ZBTB41: variants seen among roughly 807,000 people sequenced by gnomAD.
ZBTB41 encodes the protein zinc finger and BTB domain containing 41.
In ZBTB41, 42 loss-of-function variants were observed where a neutral mutation model predicts 87.6. That is an observed-to-expected ratio of 0.48 (90% CI 0.37 to 0.62). ZBTB41 has a LOEUF of 0.62. ZBTB41 is among the 20% of genes least tolerant of loss of function. The pLI is 0.00. For missense variants in ZBTB41, 799 were observed against 1,078.9 expected (o/e 0.74, Z 3.63); for synonymous variants, 364 against 364.0 (o/e 1.00, Z 0.00).
intron 10 of ZBTB41, among the ~76,000 whole-genome samples, chr1:197,165,947 G>A (rs555369872): frequency 9.7e-4 from 147 of 152,066 alleles, no homozygotes; most frequent in Non-Finnish European, 1.7e-3. Flanking sequence ...CATGGGGGGC[G>A]AGCAGAACCA....
intron 2 of ZBTB41, among the ~76,000 whole-genome samples, chr1:197,197,948 T>A (rs1306855814): frequency 6.6e-6 from 1 of 152,194 alleles, no homozygotes; most frequent in Non-Finnish European, 1.5e-5. Context: ...TCATCCCTAT[T>A]CACTCATCTC....
intron 2 of ZBTB41, among the ~76,000 whole-genome samples, chr1:197,196,974 T>C (rs1393591140): frequency 6.6e-6 from 1 of 152,222 alleles, no homozygotes; most frequent in Non-Finnish European, 1.5e-5. Flanking sequence ...TGATTGTGTT[T>C]TTTCATGTAC....
chr1:197,172,212 CTTACA>C lies in ZBTB41; in HGVS notation c.2017_2021del (p.Cys673GlufsTer4). 7.0e-7 allele frequency: 1 copy of C among 1,431,810 alleles called. No homozygotes were observed. Among genetic ancestry groups the C allele is most frequent in the Non-Finnish European group, 9.3e-7 (1 of 1,080,466 alleles). 88.7% of individuals were successfully genotyped at this position (1,431,810 alleles called of 1,614,324 possible). ...GACTTGATTTGCCTTTAAAAATTTT[CTTACA>C]AACATCACATTGATGAAATGTTGCT... On this transcript the variant is annotated frameshift_variant, in exon 10 of 11. Coordinates refer to ENST00000367405, the MANE Select transcript of ZBTB41 (RefSeq NM_194314.3). LOFTEE classifies it high-confidence loss of function.
intron 5 of ZBTB41, among the ~76,000 whole-genome samples, chr1:197,185,269 TTTA>T (rs2125134954): frequency 6.6e-6 from 1 of 152,280 alleles, no homozygotes; most frequent in East Asian, 1.9e-4. Context: ...AGTGTATATT[TTTA>T]TCTAAGTTGT....
chr1:197,180,210 G>T (rs1045886536), intron 6 of ZBTB41, among the ~76,000 whole-genome samples: 4 of 151,998 alleles, frequency 2.6e-5, no homozygotes, highest in Non-Finnish European at 5.9e-5. Context: ...ATTATCTACA[G>T]TATTCACTAC....
intron 9 of ZBTB41, among the ~76,000 whole-genome samples, chr1:197,172,532 A>T (rs1303156950): frequency 1.3e-5 from 2 of 151,974 alleles, no homozygotes; most frequent in Non-Finnish European, 2.9e-5. Context: ...TAAGTCACTG[A>T]ACTTTTATTA....
intron 2 of ZBTB41, among the ~76,000 whole-genome samples, chr1:197,194,996 T>C (rs1344150256): frequency 6.6e-6 from 1 of 152,204 alleles, no homozygotes; most frequent in African/African-American, 2.4e-5. Flanking sequence ...TGTTTTTGTT[T>C]TGTTTCGTTT....
intron 10 of ZBTB41, among the ~76,000 whole-genome samples, chr1:197,167,070 G>A: frequency 6.6e-6 from 1 of 152,160 alleles, no homozygotes; most frequent in South Asian, 2.1e-4. Context: ...CAAGGGAAAA[G>A]ATATAGGCAA....
intron 1 of ZBTB41, among the ~76,000 whole-genome samples, 178 bp downstream of exon 1, chr1:197,201,045 C>A (rs561474290): frequency 6.6e-6 from 1 of 152,198 alleles, no homozygotes; most frequent in Non-Finnish European, 1.5e-5. Context: ...CAAAGCCACC[C>A]GGTGAGAGAC....
Position 197,158,023 on chromosome 1 carries a change from C to A in ZBTB41, c.*1336G>T, listed in dbSNP as rs977665953. ...AAATGACATGCTAATAATAAATCAA[C>A]CCTGTCTAGTCTAATCTTCAAGCAA... On this transcript the variant is annotated 3_prime_UTR_variant, in exon 11 of 11. Transcript: ENST00000367405. The A allele has an allele frequency of 6.6e-6, 1 of 152,248 alleles. No homozygotes were observed. The highest frequency in any genetic ancestry group is 1.5e-5 in the Non-Finnish European group (1 of 67,834). The allele number at this position is 152,248 out of a possible 1,614,324, so 9.4% of individuals were successfully genotyped here.
intron 2 of ZBTB41, among the ~76,000 whole-genome samples, chr1:197,194,518 A>G (rs544051944): frequency 6.6e-6 from 1 of 152,080 alleles, no homozygotes; most frequent in South Asian, 2.1e-4. Flanking sequence ...ATAGCTAAAT[A>G]CTGAAGTCAT....
At chr1:197,191,161 A>C (rs1571666875) in intron 3 of ZBTB41, among the ~76,000 whole-genome samples, 3 of 152,076 alleles carry the variant, frequency 2.0e-5, no homozygotes, top group Admixed American at 2.0e-4. Context: ...AATGTTGAGT[A>C]TAAGAATAAA....
At chr1:197,160,506 A>G (rs1425172607) in intron 10 of ZBTB41, among the ~76,000 whole-genome samples, 5 of 152,182 alleles carry the variant, frequency 3.3e-5, no homozygotes, top group African/African-American at 1.2e-4. Context: ...TCTAATTAAC[A>G]TGGTTCCTTG....
chr1:197,191,916 A>C lies in ZBTB41; in HGVS notation c.1121-17T>G. 1 of 1,539,884 alleles carries C rather than the reference A, an allele frequency of 6.5e-7. No homozygotes were observed. Among genetic ancestry groups the C allele is most frequent in the African/African-American group, 1.4e-5 (1 of 71,604 alleles). ...CATATTTTCCTATAAAAAAAGAAAA[A>C]TTAAAATTAAATTTAGTACATTTGC... On this transcript the variant is annotated splice_polypyrimidine_tract_variant and intron_variant, in intron 2 of 10. Coordinates refer to ENST00000367405, the MANE Select transcript of ZBTB41 (RefSeq NM_194314.3).
chr1:197,187,533 T>G (rs148699339), intron 5 of ZBTB41, among the ~76,000 whole-genome samples: 1 of 152,354 alleles, frequency 6.6e-6, no homozygotes, highest in African/African-American at 2.4e-5. Context: ...GGAAATGTGA[T>G]GTAAATCACT....
rs192012561 is a variant in ZBTB41 at position 197,179,093 on chromosome 1, C to T, written c.1677-581G>A. Among the ~76,000 whole-genome samples, 8 of 152,234 alleles carry T rather than the reference C, an allele frequency of 5.3e-5. No homozygotes were observed. The East Asian group carries it at 1.4e-3, about 26-fold the overall frequency. ...CAAAGTACATCACTAGCAATTCCTA[C>T]AGTTCTAACCTTCAGAGCTTCCCCA... On this transcript the variant is annotated intron_variant, in intron 6 of 10. Transcript: ENST00000367405.
chr1:197,172,167 C>A lies in ZBTB41; in HGVS notation c.2067G>T (p.Thr689=). The A allele has an allele frequency of 7.2e-7, 1 of 1,393,074 alleles. No homozygotes were observed. The allele number at this position is 1,393,074 out of a possible 1,614,324, so 86.3% of individuals were successfully genotyped here. The change falls in exon 10 of 11, where the codon ACG becomes ACT. Residue 689 remains threonine, a synonymous_variant. Transcript: ENST00000367405. ...CCACTCATTAAATTTTACCTGAATG[C>A]GTTCGAAAATGCATTTCCAGACTTG... is the stretch of plus-strand genomic sequence containing the variant. ...GKSSLEMHFR[T]HSGEKPYKCQ...
chr1:197,200,225 C>T lies in ZBTB41; in HGVS notation c.249G>A (p.Lys83=), dbSNP rs1342921226. ...TAAGTAAATCACAAAAAGATGGTTG[C>T]TTCTGCCTATCATCATTTAAATATT... ...LLKYLNDDRQ[K]QPSFCDLLII... Residue 83 remains lysine (K), a synonymous_variant, in exon 2 of 11, where the codon AAG becomes AAA. Coordinates refer to ENST00000367405, the MANE Select transcript of ZBTB41 (RefSeq NM_194314.3). The T allele has an allele frequency of 6.2e-7, 1 of 1,613,136 alleles. No homozygotes were observed. The highest frequency in any genetic ancestry group is 8.5e-7 in the Non-Finnish European group (1 of 1,179,808).
intron 4 of ZBTB41, among the ~76,000 whole-genome samples, chr1:197,189,730 A>G (rs1002406201): frequency 1.3e-5 from 2 of 152,174 alleles, no homozygotes; most frequent in African/African-American, 2.4e-5. Flanking sequence ...ACTATGCCAT[A>G]AAGTCTAATA....
Sources: gnomAD v4.1 joint callset for allele counts (sites outside exome capture counted in the v4.1 genomes callset) on GRCh38, gnomAD v4.1.1 for gene constraint, MANE v1.5 for transcripts, NCBI Gene and HGNC (gene_info 2026-07-23, HGNC 2026-07-21) for gene names.